The following WDFY4 variants were observed in gnomAD, a reference collection of about 807,000 sequenced individuals.
WDFY4 encodes the protein WD repeat- and FYVE domain-containing protein 4.
A neutral mutation model predicts 351.9 loss-of-function variants in WDFY4; 169 were observed. The observed-to-expected ratio is 0.48, with a 90% CI of 0.42 to 0.55. The LOEUF is 0.55. WDFY4 is among the 20% of genes least tolerant of loss of function. The probability of loss-of-function intolerance (pLI) is 0.00; values close to 1 mark genes in which losing one functional copy is unlikely to be tolerated. For synonymous variants in WDFY4, 1,622 were observed against 1,574.6 expected (o/e 1.03, Z -0.71); for missense variants, 3,803 against 3,935.6 (o/e 0.97, Z 0.90).
At position 48,833,869 on chromosome 10, in the gene WDFY4, C is replaced by T. The variant is rs2068284762; in HGVS notation, c.6663+1160C>T. Among the ~76,000 whole-genome samples, 8 of 152,222 alleles carry T rather than the reference C, an allele frequency of 5.3e-5. No homozygotes were observed. In the South Asian group the frequency reaches 1.7e-3, roughly 32 times the overall value. ...CAGACACATTAACATAATCCCAGCT[C>T]TTGGCCCATGAACTTCGGGAAATGA... On this transcript the variant is annotated intron_variant, in intron 39 of 61. Coordinates refer to ENST00000325239, the MANE Select transcript of WDFY4 (RefSeq NM_001394531.1).
chr10:48,814,301 T>A (rs1158384397), intron 31 of WDFY4, among the ~76,000 whole-genome samples: 1 of 152,228 alleles, frequency 6.6e-6, no homozygotes, highest in Admixed American at 6.5e-5. Flanking sequence ...AGGTGATACC[T>A]GTTTATCATT....
intron 47 of WDFY4, among the ~76,000 whole-genome samples, chr10:48,911,731 A>G (rs1838023588): frequency 6.6e-6 from 1 of 152,250 alleles, no homozygotes; most frequent in Non-Finnish European, 1.5e-5. Context: ...GACATACTGT[A>G]GAATGATGAA....
intron 1 of WDFY4, among the ~76,000 whole-genome samples, chr10:48,689,048 A>G (rs946421718): frequency 2.0e-5 from 3 of 147,170 alleles, no homozygotes; most frequent in Non-Finnish European, 4.5e-5. Flanking sequence ...CCCCCACCCC[A>G]GTGAACTTCA....
At chr10:48,741,637 C>T (rs189425790) in intron 11 of WDFY4, among the ~76,000 whole-genome samples, 13 of 152,210 alleles carry the variant, frequency 8.5e-5, no homozygotes, top group African/African-American at 2.2e-4. Context: ...TATCATACTA[C>T]AGACTGTTGC....
intron 51 of WDFY4, 23 bp from the exon 52 acceptor site, chr10:48,957,106 C>A: frequency 1.9e-6 from 3 of 1,541,740 alleles, no homozygotes; most frequent in South Asian, 2.4e-5. Context: ...AGCGGCTGGT[C>A]ATGTTGGCTC....
intron 47 of WDFY4, among the ~76,000 whole-genome samples, chr10:48,935,376 C>A (rs1391081115): frequency 6.6e-6 from 1 of 152,212 alleles, no homozygotes; most frequent in African/African-American, 2.4e-5. Flanking sequence ...CAGGGCTCAC[C>A]CCCTGTGATT....
chr10:48,913,707 C>G lies in WDFY4; in HGVS notation c.7586+11844C>G, dbSNP rs1838227281. On this transcript the variant is annotated intron_variant, in intron 47 of 61. Transcript: ENST00000325239. ...GTTGTTCAGTAGGTTGTCATGGAGCCCTACCTCGTGGAGCTCCTTCAGGGC... is the reference window on the plus strand; with the variant it reads ...GTTGTTCAGTAGGTTGTCATGGAGCGCTACCTCGTGGAGCTCCTTCAGGGC... 6.2e-7 allele frequency: 1 copy of G among 1,612,368 alleles called. No homozygotes were observed. Among genetic ancestry groups the G allele is most frequent in the Non-Finnish European group, 8.5e-7 (1 of 1,178,682 alleles).
At chr10:48,808,990 C>G (rs755816725) in intron 28 of WDFY4, among the ~76,000 whole-genome samples, 6 of 152,094 alleles carry the variant, frequency 3.9e-5, no homozygotes, top group Non-Finnish European at 8.8e-5. Flanking sequence ...CAAAAACTGC[C>G]AATATTTTTG....
Position 48,812,179 on chromosome 10 carries a change from C to CTTTTTTTTTTTTTTTTTT in WDFY4, c.5214+481_5214+482insTTTTTTTTTTTTTTTTTT, listed in dbSNP as rs1355851618. On this transcript the variant is annotated intron_variant, in intron 30 of 61. Transcript: ENST00000325239. Reference sequence around the variant, plus strand: ...TAGTTATCCTTTCTTTCTTTCTTTTCTTTTTTTTTTGTTTTTTTTGTTTTT... The same window carrying CTTTTTTTTTTTTTTTTTT: ...TAGTTATCCTTTCTTTCTTTCTTTTCTTTTTTTTTTTTTTTTTTTTTTTTTTTTGTTTTTTTTGTTTTT... Among the ~76,000 whole-genome samples the CTTTTTTTTTTTTTTTTTT allele has an allele frequency of 5.2e-5, 7 of 134,556 alleles. 1 individual carries two copies. Among genetic ancestry groups the CTTTTTTTTTTTTTTTTTT allele is most frequent in the African/African-American group, 1.9e-4 (6 of 31,750 alleles). The allele number at this position is 134,556 out of a possible 152,430, so 88.3% of individuals were successfully genotyped here.
At chr10:48,917,519 C>T (rs1284711785) in intron 47 of WDFY4, among the ~76,000 whole-genome samples, 1 of 152,172 alleles carries the variant, frequency 6.6e-6, no homozygotes, top group Admixed American at 6.5e-5. Context: ...GTATCACCCA[C>T]AGGGGAACAG....
intron 51 of WDFY4, among the ~76,000 whole-genome samples, chr10:48,948,701 GAGA>G (rs1447026848): frequency 1.1e-4 from 16 of 152,224 alleles, no homozygotes; most frequent in Non-Finnish European, 2.4e-4. Flanking sequence ...ATAGGCTGTT[GAGA>G]AGATTAAATG....
At chr10:48,931,564 C>T (rs551363717) in intron 47 of WDFY4, among the ~76,000 whole-genome samples, 1 of 152,302 alleles carries the variant, frequency 6.6e-6, no homozygotes, top group Admixed American at 6.5e-5. Context: ...CTCCCTGCAA[C>T]CTCCATCCAG....
chr10:48,743,893 G>A (rs1307326829), intron 12 of WDFY4, among the ~76,000 whole-genome samples: 2 of 152,112 alleles, frequency 1.3e-5, no homozygotes, highest in African/African-American at 2.4e-5. Context: ...GGTGTGCCAG[G>A]CAGCCTCGGT....
chr10:48,741,368 A>G (rs751015307), intron 11 of WDFY4, among the ~76,000 whole-genome samples: 11 of 148,926 alleles, frequency 7.4e-5, no homozygotes, highest in Non-Finnish European at 1.0e-4. Context: ...CAGGAGAATC[A>G]CTTGAACTGG....
intron 46 of WDFY4, among the ~76,000 whole-genome samples, chr10:48,900,525 C>G (rs2133409108): frequency 6.6e-6 from 1 of 152,332 alleles, no homozygotes; most frequent in South Asian, 2.1e-4. Context: ...TCCTAGGAAG[C>G]AGGCTCCATT....
rs1397459761 is a variant in WDFY4, at chr10:48,976,873, C to T, written c.9185C>T (p.Thr3062Ile). 1 of 1,540,186 alleles carries T rather than the reference C, an allele frequency of 6.5e-7. No individual in the cohort carries two copies. Among genetic ancestry groups the T allele is most frequent in the Admixed American group, 2.0e-5 (1 of 49,858 alleles). The change falls in exon 59 of 62, where the codon ACA becomes ATA. Residue 3062 changes from threonine to isoleucine, a missense_variant. Coordinates refer to ENST00000325239, the MANE Select transcript of WDFY4 (RefSeq NM_001394531.1). ...VNGQPLASIT[T>I]AWGPEGAITC... ...GGACAGCCCCTGGCCAGCATCACCACAGCCTGGGGCCCAGAAGGAGCCATA... is the reference window on the plus strand; with the variant it reads ...GGACAGCCCCTGGCCAGCATCACCATAGCCTGGGGCCCAGAAGGAGCCATA...
At chr10:48,953,333 T>TCTCTCTCTCA (rs771339557) in intron 51 of WDFY4, among the ~76,000 whole-genome samples, 58 of 128,228 alleles carry the variant, frequency 4.5e-4, no homozygotes, top group South Asian at 1.4e-3. Context: ...TCTCTCTCTC[T>TCTCTCTCTCA]CACACACACA....
At chr10:48,740,562 C>A (rs2064819938) in intron 11 of WDFY4, among the ~76,000 whole-genome samples, 1 of 152,206 alleles carries the variant, frequency 6.6e-6, no homozygotes, top group South Asian at 2.1e-4. Context: ...TACCACCATC[C>A]TGGAGGAACC....
intron 3 of WDFY4, 130 bp from the exon 4 acceptor site, chr10:48,721,131 G>T: frequency 1.3e-6 from 1 of 788,978 alleles, no homozygotes; most frequent in Non-Finnish European, 2.1e-6. Context: ...TGGCCTTGGG[G>T]ATGTGTAGGC....
Sources: gnomAD v4.1 joint callset for allele counts (sites outside exome capture counted in the v4.1 genomes callset) on GRCh38, gnomAD v4.1.1 for gene constraint, MANE v1.5 for transcripts, NCBI Gene and HGNC (gene_info 2026-07-23, HGNC 2026-07-21) for gene names.